Variants in UTRN observed in about 807,000 individuals in gnomAD.
The protein encoded by UTRN is utrophin.
A neutral mutation model predicts 463.9 loss-of-function variants in UTRN; 283 were observed. That is an observed-to-expected ratio of 0.61 (90% CI 0.55 to 0.67). UTRN has a LOEUF of 0.67. UTRN is among the 30% of genes least tolerant of loss of function. UTRN has a pLI of 0.00. For missense variants in UTRN, 3,922 were observed against 4,084.3 expected (o/e 0.96, Z 1.08); for synonymous variants, 1,442 against 1,431.5 (o/e 1.01, Z -0.17).
chr6:144,801,660 G>A (rs1471673358), intron 64 of UTRN, among the ~76,000 whole-genome samples: 1 of 152,114 alleles, frequency 6.6e-6, no homozygotes, highest in Non-Finnish European at 1.5e-5. Flanking sequence ...AATTGTTTCA[G>A]TTAGAATCAT....
rs1781353953 is a variant in UTRN at position 144,839,240 on chromosome 6, A to G, written c.10133A>G (p.Tyr3378Cys). Residue 3378 changes from tyrosine to cysteine, a missense_variant, in exon 72 of 75, where the codon TAC (tyrosine) becomes TGC (cysteine). This residue lies in a region of UTRN where 1,309 missense variants were observed against 1,452.6 expected (regional missense o/e 0.90). Transcript: ENST00000367545. The part of the protein sequence containing the change: ...WASPQHSALS[Y>C]SLDPDASGPQ... ...TCTCCTCAGCATTCTGCACTGAGCTACTCGCTTGATCCAGATGCCTCCGGC... is the reference window on the plus strand; with the variant it reads ...TCTCCTCAGCATTCTGCACTGAGCTGCTCGCTTGATCCAGATGCCTCCGGC... 1.9e-6 allele frequency: 3 copies of G among 1,613,868 alleles called. No homozygotes were observed. In the East Asian group the frequency reaches 6.7e-5, roughly 36 times the overall value.
At chr6:144,551,114 A>G (rs1275545680) in intron 48 of UTRN, 32 bp downstream of exon 48, 2 of 1,457,086 alleles carry the variant, frequency 1.4e-6, no homozygotes, top group African/African-American at 2.9e-5. Context: ...ATGTATTATC[A>G]TCCACTTTCC....
In UTRN at chr6:144,291,718, C is replaced by G. The variant is rs1415377696; in HGVS notation, c.-92-19C>G. The G allele has an allele frequency of 1.3e-6, 1 of 782,288 alleles. No homozygotes were observed. Among genetic ancestry groups the G allele is most frequent in the Non-Finnish European group, 2.0e-6 (1 of 507,292 alleles). The allele number at this position is 782,288 out of a possible 1,614,324, so 48.5% of individuals were successfully genotyped here. On this transcript the variant is annotated intron_variant, in intron 1 of 74. Coordinates refer to ENST00000367545, the MANE Select transcript of UTRN (RefSeq NM_007124.3). ...ATAAATACATTTTTTCAAGTCAGTA[C>G]TTTCCCTTTTCCTTTTAGGTATTGA...
rs780947384 is a variant in UTRN at position 144,531,108 on chromosome 6, T to C, written c.5963T>C (p.Leu1988Pro). Residue 1988 changes from leucine to proline, a missense_variant, in exon 42 of 75, where the codon CTC becomes CCC. This residue lies in a region of UTRN where 2,349 missense variants were observed against 2,303.8 expected (regional missense o/e 1.02). Transcript: ENST00000367545. ...WRQFHCDLNDLTQWITEAEEL... is the reference protein window; with the variant it reads ...WRQFHCDLNDPTQWITEAEEL... ...CAGTTCCATTGTGACCTTAATGACCTCACACAGTGGATAACAGAGGCTGAA... is the reference window on the plus strand; with the variant it reads ...CAGTTCCATTGTGACCTTAATGACCCCACACAGTGGATAACAGAGGCTGAA... 2 of 1,613,966 alleles carry C rather than the reference T, an allele frequency of 1.2e-6. No individual in the cohort carries two copies. Among genetic ancestry groups the C allele is most frequent in the East Asian group, 4.5e-5 (2 of 44,866 alleles).
intron 9 of UTRN, among the ~76,000 whole-genome samples, chr6:144,433,333 T>A: frequency 6.8e-6 from 1 of 147,030 alleles, no homozygotes; most frequent in Non-Finnish European, 1.5e-5. Flanking sequence ...CCCACCTCCC[T>A]CCCGGACGGG....
rs565752766 is a variant in UTRN, at chr6:144,767,405, G to C, written c.8496-4502G>C. ...TAGACCATGGACTCAAATTTGGACA[G>C]ATTCATCAAGAAATATTTTAAAACC... On this transcript the variant is annotated intron_variant, in intron 58 of 74. Transcript: ENST00000367545. 6.6e-5 allele frequency among the ~76,000 whole-genome samples: 10 copies of C among 152,206 alleles called. No homozygotes were observed. In the East Asian group the frequency reaches 1.9e-3, roughly 29 times the overall value.
chr6:144,437,739 C>G lies in UTRN; in HGVS notation c.1234C>G (p.Gln412Glu), dbSNP rs370688812. Residue 412 changes from glutamine (Q) to glutamate (E), a missense_variant, in exon 11 of 75, where the codon CAG (glutamine) becomes GAG (glutamate). This residue lies in a region of UTRN where 2,349 missense variants were observed against 2,303.8 expected (regional missense o/e 1.02). Transcript: ENST00000367545. ...TCTTAGGGTGGAGAGTATGGACAGACAGTCCCGGTGAGTGGAAAGCCAAGA... is the reference window on the plus strand; with the variant it reads ...TCTTAGGGTGGAGAGTATGGACAGAGAGTCCCGGTGAGTGGAAAGCCAAGA... ...EALRVESMDRQSRLHDVLMEL... is the reference protein window; with the variant it reads ...EALRVESMDRESRLHDVLMEL... The G allele has an allele frequency of 2.5e-6, 4 of 1,612,066 alleles. No individual in the cohort carries two copies. The highest frequency in any genetic ancestry group is 1.3e-5 in the African/African-American group (1 of 74,744).
intron 34 of UTRN, among the ~76,000 whole-genome samples, chr6:144,502,519 C>G (rs887640931): frequency 6.6e-6 from 1 of 151,956 alleles, no homozygotes; most frequent in Non-Finnish European, 1.5e-5. Flanking sequence ...GTTTGGTTTT[C>G]TGTTCCTGTG....
intron 2 of UTRN, among the ~76,000 whole-genome samples, chr6:144,383,276 A>G (rs893694236): frequency 3.3e-5 from 5 of 152,130 alleles, no homozygotes; most frequent in Non-Finnish European, 5.9e-5. Flanking sequence ...TGGAACATCC[A>G]ACTCCAACTT....
intron 53 of UTRN, among the ~76,000 whole-genome samples, chr6:144,729,285 G>A (rs1221885238): frequency 6.6e-6 from 1 of 151,948 alleles, no homozygotes; most frequent in Non-Finnish European, 1.5e-5. Flanking sequence ...AATTATTCTG[G>A]TATTTCTAGA....
chr6:144,649,543 C>G (rs1468831632), intron 51 of UTRN, among the ~76,000 whole-genome samples: 6 of 152,156 alleles, frequency 3.9e-5, no homozygotes, highest in Non-Finnish European at 8.8e-5. Flanking sequence ...TTGGACAGCA[C>G]TGCATCACAG....
At chr6:144,794,111 C>T in intron 63 of UTRN, 120 bp downstream of exon 63, 1 of 1,346,048 alleles carries the variant, frequency 7.4e-7, no homozygotes, top group Non-Finnish European at 1.0e-6. Context: ...GGGTACCATC[C>T]AACAAGTGGT....
At chr6:144,752,409 T>C (rs1444312834) in intron 56 of UTRN, among the ~76,000 whole-genome samples, 1 of 152,110 alleles carries the variant, frequency 6.6e-6, no homozygotes, top group Non-Finnish European at 1.5e-5. Flanking sequence ...ACCAGTGGTG[T>C]TTACCTTTAG....
chr6:144,373,227 A>G (rs892318810), intron 2 of UTRN, among the ~76,000 whole-genome samples: 2 of 152,218 alleles, frequency 1.3e-5, no homozygotes, highest in African/African-American at 4.8e-5. Flanking sequence ...GGATATTCAT[A>G]ACAGCATTAT....
intron 51 of UTRN, among the ~76,000 whole-genome samples, chr6:144,625,753 A>C (rs141007738): frequency 2.2e-4 from 34 of 152,358 alleles, no homozygotes; most frequent in Middle Eastern, 3.4e-3. Context: ...TGTACCACAG[A>C]AGTAAACCTA....
intron 71 of UTRN, among the ~76,000 whole-genome samples, chr6:144,837,784 T>C (rs1463505376): frequency 6.6e-6 from 1 of 152,208 alleles, no homozygotes; most frequent in African/African-American, 2.4e-5. Flanking sequence ...AATTCATAAT[T>C]TGACCATACA....
chr6:144,530,251 T>C lies in UTRN; in HGVS notation c.5907-801T>C, dbSNP rs1036743109. ...TGGTGTCTAGTGAGGTCTCTCTTACTGGCTTGCAGATGGCCACCTTCTTGC... is the reference window on the plus strand; with the variant it reads ...TGGTGTCTAGTGAGGTCTCTCTTACCGGCTTGCAGATGGCCACCTTCTTGC... On this transcript the variant is annotated intron_variant, in intron 41 of 74. Transcript: ENST00000367545. 5.3e-5 allele frequency among the ~76,000 whole-genome samples: 8 copies of C among 152,220 alleles called. No individual in the cohort carries two copies. The East Asian group carries it at 1.5e-3, about 29-fold the overall frequency.
intron 2 of UTRN, chr6:144,398,371 G>A (rs1175987972): frequency 1.1e-5 from 4 of 357,688 alleles, no homozygotes; most frequent in Middle Eastern, 4.3e-4. Context: ...TCTCACCAGG[G>A]ACTTCCTTCA....
In UTRN at chr6:144,319,911, T is replaced by C. The variant is rs1775525548; in HGVS notation, c.79+28004T>C. 3.3e-5 allele frequency among the ~76,000 whole-genome samples: 5 copies of C among 151,284 alleles called. No individual in the cohort carries two copies. The South Asian group carries it at 1.0e-3, about 31-fold the overall frequency. On this transcript the variant is annotated intron_variant, in intron 2 of 74. Coordinates refer to ENST00000367545, the MANE Select transcript of UTRN (RefSeq NM_007124.3). ...TTCTGTCACCCAAGCTGGAGTGTAA[T>C]GGTGTGATCTTGGCTCACCGCAATG...
Sources: gnomAD v4.1 joint callset for allele counts (sites outside exome capture counted in the v4.1 genomes callset) on GRCh38, gnomAD v4.1.1 for gene constraint, gnomAD v4.1.1 regional missense constraint, MANE v1.5 for transcripts, NCBI Gene and HGNC (gene_info 2026-07-23, HGNC 2026-07-21) for gene names.